Variants in TENM2 observed in about 807,000 individuals in gnomAD.
TENM2 encodes teneurin transmembrane protein 2.
In TENM2, 52 loss-of-function variants were observed where a neutral mutation model predicts 245.2. That is an observed-to-expected ratio of 0.21 (90% CI 0.17 to 0.27). TENM2 has a LOEUF of 0.27. TENM2 is among the 10% of genes least tolerant of loss of function. The pLI, the probability that TENM2 is intolerant of heterozygous loss-of-function variation, is 1.00. For missense variants in TENM2, 3,046 were observed against 3,666.8 expected, an observed-to-expected ratio of 0.83 and a Z score of 4.37; for synonymous variants, 1,363 against 1,438.9, an observed-to-expected ratio of 0.95 and a Z score of 1.19.
At chr5:167,002,687 TCTTC>T in the TENM2 span, among the ~76,000 whole-genome samples, 1 of 151,838 alleles carries the variant, frequency 6.6e-6, no homozygotes, top group Non-Finnish European at 1.5e-5. Flanking sequence ...CAGCCCCTGT[TCTTC>T]GAGCCCAGGA....
At chr5:167,346,131 T>G (rs1056178843) in intron 1 of TENM2, among the ~76,000 whole-genome samples, 10 of 152,160 alleles carry the variant, frequency 6.6e-5, no homozygotes, top group African/African-American at 2.4e-4. Context: ...AACAAAGTAT[T>G]TTTATCTATT....
At chr5:167,505,380 G>A (rs904442550) in intron 2 of TENM2, among the ~76,000 whole-genome samples, 1 of 152,190 alleles carries the variant, frequency 6.6e-6, no homozygotes, top group East Asian at 1.9e-4. Context: ...CACAAGAGCA[G>A]AAGAATGTGT....
the TENM2 span, among the ~76,000 whole-genome samples, chr5:167,206,197 C>T: frequency 6.0e-4 from 92 of 152,304 alleles, 1 homozygote; most frequent in South Asian, 8.7e-3. Flanking sequence ...CCAACTTTAT[C>T]CTGTTCAAAA....
chr5:167,390,247 T>G (rs1369676992), intron 2 of TENM2, among the ~76,000 whole-genome samples: 26 of 152,206 alleles, frequency 1.7e-4, no homozygotes. Flanking sequence ...AAAGAAGAAA[T>G]GCTAGCTCTG....
At chr5:167,702,267 C>T (rs552341662) in intron 2 of TENM2, among the ~76,000 whole-genome samples, 119 of 152,136 alleles carry the variant, frequency 7.8e-4, no homozygotes, top group Non-Finnish European at 1.6e-3. Flanking sequence ...AACATCTGAA[C>T]TTCCATGCAT....
At chr5:167,279,562 C>CTTCCTTCCTTCG in the TENM2 span, among the ~76,000 whole-genome samples, 67 of 119,726 alleles carry the variant, frequency 5.6e-4, no homozygotes, top group East Asian at 1.4e-3. Context: ...TCCTTCCTTC[C>CTTCCTTCCTTCG]TTCCTTCTTT....
the TENM2 span, among the ~76,000 whole-genome samples, chr5:167,185,510 A>G: frequency 6.6e-6 from 1 of 152,130 alleles, no homozygotes; most frequent in Admixed American, 6.5e-5. Flanking sequence ...ATATATGTTT[A>G]GAAGTCCAAC....
chr5:167,409,122 A>G (rs757186919), intron 2 of TENM2, among the ~76,000 whole-genome samples: 4 of 151,984 alleles, frequency 2.6e-5, no homozygotes, highest in Non-Finnish European at 5.9e-5. Context: ...ATTCATAAAA[A>G]TGAACTCAAG....
chr5:167,355,868 A>ATT (rs11406123), intron 1 of TENM2, among the ~76,000 whole-genome samples: 5,518 of 140,280 alleles, frequency 0.039, 176 homozygotes, highest in African/African-American at 0.088. Flanking sequence ...ATGACCCTTA[A>ATT]TTTTTTTTTT....
chr5:167,945,047 G>T (rs1779499002), intron 3 of TENM2, among the ~76,000 whole-genome samples: 1 of 152,164 alleles, frequency 6.6e-6, no homozygotes, highest in African/African-American at 2.4e-5. Context: ...GAATGCTCTA[G>T]GGATAGAGGC....
At chr5:167,177,136 T>G in the TENM2 span, among the ~76,000 whole-genome samples, 1 of 152,292 alleles carries the variant, frequency 6.6e-6, no homozygotes, top group African/African-American at 2.4e-5. Flanking sequence ...GGGAAATGAA[T>G]TTGTTCTATG....
chr5:168,022,865 C>T (rs1370003594), intron 5 of TENM2, among the ~76,000 whole-genome samples: 1 of 152,180 alleles, frequency 6.6e-6, no homozygotes, highest in Non-Finnish European at 1.5e-5. Flanking sequence ...AGCCGTGTCT[C>T]TCACGCCTGC....
At chr5:167,068,538 A>G in the TENM2 span, among the ~76,000 whole-genome samples, 2 of 152,164 alleles carry the variant, frequency 1.3e-5, no homozygotes, top group Non-Finnish European at 2.9e-5. Flanking sequence ...TTATTGAGAT[A>G]TTTTGCATTT....
intron 2 of TENM2, among the ~76,000 whole-genome samples, chr5:167,450,316 T>A (rs984658832): frequency 6.6e-6 from 1 of 152,196 alleles, no homozygotes; most frequent in Non-Finnish European, 1.5e-5. Context: ...CAAAGTCTCT[T>A]CCACAATGTC....
chr5:167,804,217 G>A (rs555131732), intron 2 of TENM2, among the ~76,000 whole-genome samples: 2 of 151,924 alleles, frequency 1.3e-5, no homozygotes, highest in Non-Finnish European at 2.9e-5. Flanking sequence ...AGTCTCTTAG[G>A]CTAATAATGT....
chr5:167,446,758 AT>A (rs1765233573), intron 2 of TENM2, among the ~76,000 whole-genome samples: 1 of 148,630 alleles, frequency 6.7e-6, no homozygotes, highest in Admixed American at 6.8e-5. Context: ...TAGTGTCTTA[AT>A]TTTTTACTCA....
chr5:167,622,429 T>C (rs906907361), intron 2 of TENM2, among the ~76,000 whole-genome samples: 1 of 152,156 alleles, frequency 6.6e-6, no homozygotes, highest in Non-Finnish European at 1.5e-5. Flanking sequence ...CAGGGTAAAC[T>C]ACTTCTGGCC....
At chr5:167,311,098 C>T (rs1756005115) in intron 1 of TENM2, among the ~76,000 whole-genome samples, 1 of 152,168 alleles carries the variant, frequency 6.6e-6, no homozygotes, top group Non-Finnish European at 1.5e-5. Flanking sequence ...TGGTCCAGGG[C>T]TTAGGGGACA....
chr5:167,929,104 AGAAAGAAAGAAAG>A, intron 3 of TENM2, among the ~76,000 whole-genome samples: 1 of 142,210 alleles, frequency 7.0e-6, no homozygotes, highest in Non-Finnish European at 1.5e-5. Context: ...AAAGAAAGAA[AGAAAGAAAGAAAG>A]AAAGAAAGAA....
Sources: gnomAD v4.1 joint callset for allele counts (sites outside exome capture counted in the v4.1 genomes callset) on GRCh38, gnomAD v4.1.1 for gene constraint, MANE v1.5 for transcripts, NCBI Gene and HGNC (gene_info 2026-07-23, HGNC 2026-07-21) for gene names.